The following SEC22A variants were observed in gnomAD, a reference collection of about 807,000 sequenced individuals.
SEC22A encodes the protein vesicle-trafficking protein SEC22a.
A neutral mutation model predicts 35.3 loss-of-function variants in SEC22A; 22 were observed. The ratio of observed to expected loss-of-function variants is 0.62; its 90% CI spans 0.45 to 0.89. SEC22A has a LOEUF of 0.89. Ranked by LOEUF, SEC22A falls within the 40% of genes least tolerant of loss-of-function variation. The pLI is 0.00. For synonymous variants in SEC22A, 119 were observed against 129.5 expected (o/e 0.92, Z 0.55); for missense variants, 354 against 362.5 (o/e 0.98, Z 0.19).
At chr3:123,226,374 G>A (rs956144718) in intron 4 of SEC22A, among the ~76,000 whole-genome samples, 92 of 152,130 alleles carry the variant, frequency 6.0e-4, no homozygotes, top group African/African-American at 2.1e-3. Flanking sequence ...CCTGTCTTTT[G>A]GATAAAACCC....
rs79127033 is a variant in SEC22A, at chr3:123,269,219, A to G, written c.724-2303A>G. 1.6e-3 allele frequency among the ~76,000 whole-genome samples: 74 copies of G among 45,068 alleles called. 2 individuals carry two copies. The highest frequency in any genetic ancestry group is 8.0e-3 in the Admixed American group (40 of 4,998). The allele number at this position is 45,068 out of a possible 152,430, so 29.6% of individuals were successfully genotyped here. ...TGTGTGTGTGTGTGTGTGTGTGTAT[A>G]TATTACTGGAAATGCTAGCTCATTT... On this transcript the variant is annotated intron_variant, in intron 6 of 6. Transcript: ENST00000492595.
intron 4 of SEC22A, among the ~76,000 whole-genome samples, chr3:123,237,480 A>G (rs1304542886): frequency 3.3e-5 from 5 of 152,200 alleles, no homozygotes; most frequent in East Asian, 1.9e-4. Context: ...TGGGAATATA[A>G]TAGGAATTGC....
At chr3:123,255,123 C>A (rs1937697895) in intron 5 of SEC22A, among the ~76,000 whole-genome samples, 1 of 152,138 alleles carries the variant, frequency 6.6e-6, no homozygotes, top group Admixed American at 6.5e-5. Flanking sequence ...TATGTTCTTC[C>A]TTTTAAACAT....
intron 4 of SEC22A, among the ~76,000 whole-genome samples, chr3:123,232,504 A>G (rs929769816): frequency 1.3e-5 from 2 of 152,170 alleles, no homozygotes; most frequent in African/African-American, 4.8e-5. Context: ...GATTTTTACC[A>G]AACAGTTAAT....
chr3:123,269,193 G>GTT (rs1441834895), intron 6 of SEC22A, among the ~76,000 whole-genome samples: 3 of 99,460 alleles, frequency 3.0e-5, no homozygotes, highest in African/African-American at 1.1e-4. Flanking sequence ...GTGTGTGTGT[G>GTT]TGTGTGTGTG....
rs1386329979 is a variant in SEC22A at position 123,273,652 on chromosome 3, A to C, written c.*1930A>C. On this transcript the variant is annotated 3_prime_UTR_variant, in exon 7 of 7. Coordinates refer to ENST00000492595, the MANE Select transcript of SEC22A (RefSeq NM_012430.5). ...GTGAAACCTCATCTCTACTAAAAAT[A>C]CAAAATTTAGCTGGGTGTGGTTGCG... 6.6e-6 allele frequency: 1 copy of C among 152,080 alleles called. No individual in the cohort carries two copies. Among genetic ancestry groups the C allele is most frequent in the Non-Finnish European group, 1.5e-5 (1 of 68,016 alleles). The allele number at this position is 152,080 out of a possible 1,614,324, so 9.4% of individuals were successfully genotyped here.
At chr3:123,221,003 A>G (rs1158851762) in intron 2 of SEC22A, among the ~76,000 whole-genome samples, 2 of 151,490 alleles carry the variant, frequency 1.3e-5, no homozygotes, top group Admixed American at 6.6e-5. Context: ...AGAACTGGGT[A>G]TCTGGGCAAG....
chr3:123,226,411 C>T (rs1190160818), intron 4 of SEC22A, among the ~76,000 whole-genome samples: 3 of 152,266 alleles, frequency 2.0e-5, no homozygotes, highest in Non-Finnish European at 2.9e-5. Context: ...AATGATGTCT[C>T]GTTGTAGTTT....
intron 4 of SEC22A, among the ~76,000 whole-genome samples, chr3:123,227,196 G>T (rs887211696): frequency 2.0e-5 from 3 of 150,990 alleles, no homozygotes; most frequent in Admixed American, 6.6e-5. Context: ...ATTTGTTTAA[G>T]AAAATTATTC....
At position 123,271,854 on chromosome 3, in the gene SEC22A, T is replaced by G; in HGVS notation, c.*132T>G. 1.4e-6 allele frequency: 1 copy of G among 734,676 alleles called. No individual in the cohort carries two copies. The highest frequency in any genetic ancestry group is 1.9e-5 in the South Asian group (1 of 53,328). 45.5% of individuals were successfully genotyped at this position (734,676 alleles called of 1,614,324 possible). A position where few individuals can be genotyped will look rare whatever the true frequency, so the allele number is the denominator to read the frequency against. On this transcript the variant is annotated 3_prime_UTR_variant, in exon 7 of 7. Coordinates refer to ENST00000492595, the MANE Select transcript of SEC22A (RefSeq NM_012430.5). ...TTCTTTCTCTCCAACTTTCCTTTTT[T>G]AAAATCAGCATGATGTGCCTGTGAG...
chr3:123,209,401 T>TAAG lies in SEC22A; in HGVS notation c.182+4_182+6dup. 6.2e-7 allele frequency: 1 copy of TAAG among 1,603,648 alleles called. No homozygotes were observed. The highest frequency in any genetic ancestry group is 1.1e-5 in the South Asian group (1 of 90,530). ...GAAAACTGGACATTATAACATTAAGTAAGACTTCAGTTTGCTTCATTTGAC... is the reference window on the plus strand; with the variant it reads ...GAAAACTGGACATTATAACATTAAGTAAGAAGACTTCAGTTTGCTTCATTTGAC... On this transcript the variant is annotated splice_region_variant and intron_variant, in intron 2 of 6. Coordinates refer to ENST00000492595, the MANE Select transcript of SEC22A (RefSeq NM_012430.5).
At chr3:123,269,209 GTGTGTGTA>G (rs1938093987) in intron 6 of SEC22A, among the ~76,000 whole-genome samples, 1 of 110,578 alleles carries the variant, frequency 9.0e-6, no homozygotes, top group Non-Finnish European at 2.1e-5. Context: ...GTGTGTGTGT[GTGTGTGTA>G]TATATTACTG....
intron 6 of SEC22A, among the ~76,000 whole-genome samples, chr3:123,269,179 A>ATATGTG (rs756213040): frequency 8.3e-6 from 1 of 120,666 alleles, no homozygotes; most frequent in Non-Finnish European, 1.9e-5. Context: ...AATTAAATAT[A>ATATGTG]TGTGTGTGTG....
chr3:123,239,218 C>T (rs1219696502), intron 4 of SEC22A, among the ~76,000 whole-genome samples: 2 of 152,162 alleles, frequency 1.3e-5, no homozygotes, highest in Non-Finnish European at 2.9e-5. Context: ...AGGGAGCACA[C>T]AAGGATGTAC....
At chr3:123,228,907 C>T (rs1937264512) in intron 4 of SEC22A, among the ~76,000 whole-genome samples, 1 of 151,772 alleles carries the variant, frequency 6.6e-6, no homozygotes, top group African/African-American at 2.4e-5. Flanking sequence ...TTTGAACTGG[C>T]AGAAGAGTTA....
chr3:123,209,682 T>A (rs1185369510), intron 2 of SEC22A, among the ~76,000 whole-genome samples: 3 of 152,220 alleles, frequency 2.0e-5, no homozygotes, highest in Non-Finnish European at 2.9e-5. Context: ...AGGGTTGTAG[T>A]AAGCAAACTA....
At chr3:123,269,003 G>T (rs762713818) in intron 6 of SEC22A, among the ~76,000 whole-genome samples, 1 of 152,122 alleles carries the variant, frequency 6.6e-6, no homozygotes, top group Admixed American at 6.6e-5. Flanking sequence ...AGTATAATAT[G>T]CTGAATATCT....
intron 5 of SEC22A, among the ~76,000 whole-genome samples, chr3:123,246,336 T>C (rs1937566309): frequency 6.6e-6 from 1 of 152,072 alleles, no homozygotes; most frequent in African/African-American, 2.4e-5. Context: ...TACACAGAGT[T>C]GGGAAGGGGG....
intron 4 of SEC22A, among the ~76,000 whole-genome samples, chr3:123,235,812 T>A (rs1273352442): frequency 6.6e-6 from 1 of 152,206 alleles, no homozygotes; most frequent in Non-Finnish European, 1.5e-5. Context: ...CATCAGCTGA[T>A]GAGTGGATAA....
Sources: gnomAD v4.1 joint callset for allele counts (sites outside exome capture counted in the v4.1 genomes callset) on GRCh38, gnomAD v4.1.1 for gene constraint, MANE v1.5 for transcripts, NCBI Gene and HGNC (gene_info 2026-07-23, HGNC 2026-07-21) for gene names.